Variants in RAB27A observed in about 807,000 individuals in gnomAD.
The protein encoded by RAB27A is ras-related protein Rab-27A.
In RAB27A, 17 loss-of-function variants were observed where a neutral mutation model predicts 20.8. The observed-to-expected ratio is 0.82, with a 90% CI of 0.56 to 1.23. RAB27A has a LOEUF of 1.23. RAB27A is among the 50% of genes most tolerant of loss of function. The pLI is 0.00. For missense variants in RAB27A, 277 were observed against 266.7 expected, an observed-to-expected ratio of 1.04 and a Z score of -0.27; for synonymous variants, 85 against 92.8, an observed-to-expected ratio of 0.92 and a Z score of 0.48.
chr15:55,294,588 C>T (rs115485410), upstream of RAB27A, among the ~76,000 whole-genome samples: 3,222 of 72,324 alleles, frequency 0.045, 54 homozygotes, highest in East Asian at 0.077. Flanking sequence ...ACCCTGTCTC[C>T]GAAAAAAAAA....
At chr15:55,251,432 A>G (rs1896886610) in intron 2 of RAB27A, among the ~76,000 whole-genome samples, 1 of 152,152 alleles carries the variant, frequency 6.6e-6, no homozygotes, top group Admixed American at 6.5e-5. Flanking sequence ...ATGGGATAGG[A>G]AACTGGTGTC....
chr15:55,243,092 TCA>T (rs1896554686), intron 2 of RAB27A, among the ~76,000 whole-genome samples: 1 of 152,196 alleles, frequency 6.6e-6, no homozygotes, highest in Admixed American at 6.5e-5. Context: ...ACTTCTGTGC[TCA>T]GAGTCCCTCT....
chr15:55,243,575 C>T (rs535210231), intron 2 of RAB27A, among the ~76,000 whole-genome samples: 2 of 151,066 alleles, frequency 1.3e-5, no homozygotes, highest in South Asian at 4.2e-4. Flanking sequence ...AGAATAACAT[C>T]GAGATCACAC....
chr15:55,272,969 T>C (rs1310175321), intron 1 of RAB27A, among the ~76,000 whole-genome samples: 1 of 152,162 alleles, frequency 6.6e-6, no homozygotes, highest in Non-Finnish European at 1.5e-5. Context: ...ATGGTGGTCA[T>C]CTGCTTAAAA....
chr15:55,214,165 G>A (rs989290077), intron 6 of RAB27A, among the ~76,000 whole-genome samples: 31 of 152,194 alleles, frequency 2.0e-4, no homozygotes, highest in East Asian at 3.9e-4. Flanking sequence ...GGCCGGGCGC[G>A]ATGGCTGATG....
At chr15:55,293,489 G>A (rs919290142), upstream of RAB27A, among the ~76,000 whole-genome samples, 1 of 149,120 alleles carries the variant, frequency 6.7e-6, no homozygotes, top group African/African-American at 2.5e-5. Context: ...CAATTGAAAA[G>A]GAAACTTTAA....
chr15:55,300,211 C>A (rs1029300539), intron 2 of RAB27A, among the ~76,000 whole-genome samples: 1 of 152,050 alleles, frequency 6.6e-6, no homozygotes, highest in Non-Finnish European at 1.5e-5. Context: ...GGGCAACCTG[C>A]GTATGACTTA....
chr15:55,212,393 G>A (rs894196994), intron 6 of RAB27A, among the ~76,000 whole-genome samples: 1 of 152,124 alleles, frequency 6.6e-6, no homozygotes, highest in African/African-American at 2.4e-5. Flanking sequence ...AGAAAACGCT[G>A]GCTTTGGGGA....
chr15:55,210,030 ATGTG>A (rs552104748), intron 6 of RAB27A, among the ~76,000 whole-genome samples: 6 of 142,704 alleles, frequency 4.2e-5, no homozygotes, highest in Admixed American at 3.5e-4. Context: ...ACGCATATAT[ATGTG>A]TGTGTACATG....
chr15:55,283,366 G>A (rs1444759917), intron 1 of RAB27A, among the ~76,000 whole-genome samples: 1 of 149,248 alleles, frequency 6.7e-6, no homozygotes, highest in Admixed American at 6.6e-5. Flanking sequence ...ACTAAAAACC[G>A]ACCGACTGAT....
intron 6 of RAB27A, among the ~76,000 whole-genome samples, chr15:55,208,175 C>T (rs1286696524): frequency 1.3e-5 from 2 of 152,104 alleles, no homozygotes; most frequent in African/African-American, 4.8e-5. Context: ...TTATACAATG[C>T]TTAAACTGTA....
chr15:55,230,267 T>C (rs1181883441), intron 4 of RAB27A, 134 bp downstream of exon 4: 4 of 818,162 alleles, frequency 4.9e-6, no homozygotes, highest in Non-Finnish European at 6.3e-6. Flanking sequence ...CTTGACAAAT[T>C]TCCTGCTAAT....
At chr15:55,248,748 T>A (rs754310144) in intron 2 of RAB27A, among the ~76,000 whole-genome samples, 2 of 152,232 alleles carry the variant, frequency 1.3e-5, no homozygotes, top group Non-Finnish European at 2.9e-5. Flanking sequence ...CTTTTCCTGA[T>A]GTTTTAATAC....
intron 6 of RAB27A, among the ~76,000 whole-genome samples, chr15:55,207,260 C>T (rs910081407): frequency 6.6e-6 from 1 of 152,128 alleles, no homozygotes; most frequent in Admixed American, 6.5e-5. Flanking sequence ...TTGAAACATG[C>T]ATGCACTATG....
At chr15:55,305,987 T>C (rs2054995022) in intron 2 of RAB27A, among the ~76,000 whole-genome samples, 1 of 152,150 alleles carries the variant, frequency 6.6e-6, no homozygotes, top group South Asian at 2.1e-4. Flanking sequence ...TCTTGTTCAG[T>C]GTAGATGGTC....
At position 55,261,347 on chromosome 15, in the gene RAB27A, T is replaced by C. The variant is rs146599195; in HGVS notation, c.-23+8818A>G. On this transcript the variant is annotated intron_variant, in intron 2 of 6. Transcript: ENST00000336787. Reference sequence around the variant, plus strand: ...GGGCAGCAGAGGTTTCAGTGAGCCATGATCGTGCCACTGCACTCCAGCCTG... The same window carrying C: ...GGGCAGCAGAGGTTTCAGTGAGCCACGATCGTGCCACTGCACTCCAGCCTG... Among the ~76,000 whole-genome samples the C allele has an allele frequency of 5.8e-4, 88 of 151,788 alleles. 1 individual carries two copies. The highest frequency in any genetic ancestry group is 2.0e-3 in the African/African-American group (84 of 41,352).
chr15:55,281,269 C>T (rs1898008972), intron 1 of RAB27A, among the ~76,000 whole-genome samples: 1 of 152,190 alleles, frequency 6.6e-6, no homozygotes, highest in African/African-American at 2.4e-5. Flanking sequence ...TATACTTAGC[C>T]AGTATAAGTA....
At chr15:55,235,060 T>C in intron 2 of RAB27A, 104 bp from the exon 3 acceptor site, 5 of 914,736 alleles carry the variant, frequency 5.5e-6, no homozygotes, top group Non-Finnish European at 8.5e-6. Context: ...AATGTTAACC[T>C]GTATGTCTAC....
intron 3 of RAB27A, among the ~76,000 whole-genome samples, chr15:55,234,067 C>G (rs970797090): frequency 2.0e-5 from 3 of 152,106 alleles, no homozygotes; most frequent in African/African-American, 7.2e-5. Flanking sequence ...ATTAAAGGAC[C>G]TTTGTCATTA....
Sources: allele counts gnomAD v4.1 joint callset (sites outside exome capture counted in the v4.1 genomes callset), GRCh38; gene constraint gnomAD v4.1.1; transcripts MANE v1.5; gene names NCBI Gene and HGNC (gene_info 2026-07-23, HGNC 2026-07-21).